Variants in AGMO observed in about 807,000 individuals in gnomAD.
AGMO encodes the protein alkylglycerol monooxygenase, also known as glyceryl-ether monooxygenase.
AGMO carries 75 observed loss-of-function variants against 60.2 expected under a neutral mutation model. That is an observed-to-expected ratio of 1.25 (90% confidence interval 1.03 to 1.51). The LOEUF is 1.51. Ranked by LOEUF, AGMO falls within the 40% of genes most tolerant of loss-of-function variation. The pLI is 0.00. For synonymous variants in AGMO, 261 were observed against 177.1 expected, an observed-to-expected ratio of 1.47 and a Z score of -3.76; for missense variants, 763 against 525.5, an observed-to-expected ratio of 1.45 and a Z score of -4.42.
intron 3 of AGMO, among the ~76,000 whole-genome samples, chr7:15,446,086 CATTAAATTGCAAA>C (rs1402817991): frequency 1.3e-5 from 2 of 152,116 alleles, no homozygotes; most frequent in East Asian, 3.9e-4. Context: ...GATGAAGATC[CATTAAATTGCAAA>C]ATATTTAAAA....
Position 15,242,592 on chromosome 7 carries a change from T to A in AGMO, c.1264-41233A>T, listed in dbSNP as rs28620549. ...TATTGGTCCCAGAAACCAAGACTGT[T>A]AAACTGATCAACAAATAACTAAGTT... On this transcript the variant is annotated intron_variant, in intron 12 of 12. Coordinates refer to ENST00000342526, the MANE Select transcript of AGMO (RefSeq NM_001004320.2). Among the ~76,000 whole-genome samples the A allele has an allele frequency of 4.5e-3, 686 of 152,228 alleles. 6 individuals carry two copies. Among genetic ancestry groups the A allele is most frequent in the African/African-American group, 0.016 (656 of 41,520 alleles).
the AGMO span, among the ~76,000 whole-genome samples, chr7:15,158,262 C>T: frequency 6.6e-6 from 1 of 152,138 alleles, no homozygotes; most frequent in Admixed American, 6.6e-5. Flanking sequence ...ATCTAGCAAC[C>T]TCCCTTGGCA....
At chr7:15,224,785 C>T (rs748253196) in intron 12 of AGMO, among the ~76,000 whole-genome samples, 2 of 151,872 alleles carry the variant, frequency 1.3e-5, no homozygotes, top group Non-Finnish European at 2.9e-5. Flanking sequence ...ATGGTTTGGG[C>T]CATGAATAGG....
chr7:15,401,300 A>G (rs1048083138), intron 5 of AGMO, among the ~76,000 whole-genome samples: 2 of 152,172 alleles, frequency 1.3e-5, no homozygotes, highest in Non-Finnish European at 1.5e-5. Flanking sequence ...TATATAATTC[A>G]TAATTATTTC....
At chr7:15,368,089 G>A (rs1474924801) in intron 10 of AGMO, among the ~76,000 whole-genome samples, 10 of 151,984 alleles carry the variant, frequency 6.6e-5, no homozygotes, top group Non-Finnish European at 1.3e-4. Context: ...TTTAGTGGAA[G>A]AGTATTGCTG....
chr7:15,411,058 A>G (rs1305634901), intron 5 of AGMO, among the ~76,000 whole-genome samples: 1 of 151,944 alleles, frequency 6.6e-6, no homozygotes, highest in East Asian at 1.9e-4. Flanking sequence ...TATTAATACT[A>G]TTACTACCTA....
At chr7:15,508,085 C>G (rs746277906) in intron 3 of AGMO, among the ~76,000 whole-genome samples, 1 of 151,864 alleles carries the variant, frequency 6.6e-6, no homozygotes, top group East Asian at 1.9e-4. Context: ...TAAAATAGCA[C>G]CAAAAGGGAG....
intron 3 of AGMO, among the ~76,000 whole-genome samples, chr7:15,477,242 A>G (rs1045047714): frequency 6.6e-6 from 1 of 152,120 alleles, no homozygotes; most frequent in South Asian, 2.1e-4. Flanking sequence ...AAGAACAAAA[A>G]CAATGTATAG....
chr7:15,486,358 A>T (rs940272353), intron 3 of AGMO, among the ~76,000 whole-genome samples: 2 of 152,158 alleles, frequency 1.3e-5, no homozygotes, highest in African/African-American at 2.4e-5. Flanking sequence ...TGGATTTATT[A>T]AAAAAACATA....
At chr7:15,446,993 C>T (rs567663274) in intron 3 of AGMO, among the ~76,000 whole-genome samples, 2 of 152,272 alleles carry the variant, frequency 1.3e-5, no homozygotes, top group South Asian at 4.1e-4. Context: ...ACATCTTCCC[C>T]ACAATGCTCA....
chr7:15,177,255 A>G, the AGMO span, among the ~76,000 whole-genome samples: 2 of 152,096 alleles, frequency 1.3e-5, no homozygotes, highest in African/African-American at 2.4e-5. Context: ...ATGAAAAAGT[A>G]TATTAGGTAA....
the AGMO span, among the ~76,000 whole-genome samples, chr7:15,167,371 ATT>A: frequency 6.6e-6 from 1 of 152,128 alleles, no homozygotes; most frequent in Admixed American, 6.6e-5. Flanking sequence ...TTCGGACTTT[ATT>A]TGTTCAAAAG....
At chr7:15,126,709 G>T in the AGMO span, among the ~76,000 whole-genome samples, 62 of 151,986 alleles carry the variant, frequency 4.1e-4, no homozygotes, top group Non-Finnish European at 8.4e-4. Context: ...TTACCCCAAA[G>T]CACGTTTCTC....
chr7:15,365,051 G>A lies in AGMO; in HGVS notation c.1263+463C>T, dbSNP rs1377970119. Among the ~76,000 whole-genome samples, 3 of 152,048 alleles carry A rather than the reference G, an allele frequency of 2.0e-5. No individual in the cohort carries two copies. In the East Asian group the frequency reaches 5.8e-4, roughly 29 times the overall value. On this transcript the variant is annotated intron_variant, in intron 12 of 12. Transcript: ENST00000342526. ...CAGAAGAACATATTTTTCAGCTGTAGAAAAATCCCACTGACTTCAGTGACT... is the reference window on the plus strand; with the variant it reads ...CAGAAGAACATATTTTTCAGCTGTAAAAAAATCCCACTGACTTCAGTGACT...
At chr7:15,549,615 A>G (rs1396759040) in intron 2 of AGMO, among the ~76,000 whole-genome samples, 7 of 149,792 alleles carry the variant, frequency 4.7e-5, no homozygotes, top group African/African-American at 1.7e-4. Context: ...AAGAAGAGCT[A>G]ACTATCCTAA....
chr7:15,350,276 T>C (rs35357526), intron 12 of AGMO, among the ~76,000 whole-genome samples: 29,611 of 151,892 alleles, frequency 0.19, 3,131 homozygotes, highest in East Asian at 0.46. Flanking sequence ...TTAAATCAAA[T>C]AAAATTATGT....
chr7:15,412,687 A>T (rs1216167954), intron 5 of AGMO, among the ~76,000 whole-genome samples: 2 of 148,786 alleles, frequency 1.3e-5, no homozygotes, highest in African/African-American at 4.9e-5. Flanking sequence ...CATTATTTAA[A>T]AAAAAAAAAA....
At chr7:15,506,693 C>T (rs1350325581) in intron 3 of AGMO, among the ~76,000 whole-genome samples, 1 of 151,958 alleles carries the variant, frequency 6.6e-6, no homozygotes, top group Non-Finnish European at 1.5e-5. Context: ...TCCAATACCA[C>T]TGTAGATGCA....
chr7:15,391,752 T>C (rs1784147569), intron 6 of AGMO, among the ~76,000 whole-genome samples: 2 of 152,158 alleles, frequency 1.3e-5, no homozygotes, highest in Admixed American at 6.5e-5. Context: ...CTTTAAATAA[T>C]GGTTCTGAAT....
Sources: allele counts gnomAD v4.1 joint callset (sites outside exome capture counted in the v4.1 genomes callset), GRCh38; gene constraint gnomAD v4.1.1; transcripts MANE v1.5; gene names NCBI Gene and HGNC (gene_info 2026-07-23, HGNC 2026-07-21).